The following M6PR variants were observed in gnomAD, a reference collection of about 807,000 sequenced individuals.
M6PR encodes the protein mannose-6-phosphate receptor, cation dependent.
M6PR carries 19 observed loss-of-function variants against 33.1 expected under a neutral mutation model. The observed-to-expected ratio is 0.57, with a 90% CI of 0.40 to 0.84. M6PR has a LOEUF of 0.84. Ranked by LOEUF, M6PR falls within the 40% of genes least tolerant of loss-of-function variation. The pLI is 0.00. For missense variants in M6PR, 295 were observed against 336.0 expected, an observed-to-expected ratio of 0.88 and a Z score of 0.95; for synonymous variants, 111 against 123.4, an observed-to-expected ratio of 0.90 and a Z score of 0.67.
intron 4 of M6PR, 120 bp downstream of exon 4, chr12:8,943,681 T>C: frequency 7.5e-7 from 1 of 1,329,596 alleles, no homozygotes; most frequent in Non-Finnish European, 1.1e-6. Context: ...AGAGAGAAAC[T>C]GAGCTCCTAG....
At chr12:8,947,584 AGAC>A in intron 1 of M6PR, among the ~76,000 whole-genome samples, 1 of 152,240 alleles carries the variant, frequency 6.6e-6, no homozygotes. Flanking sequence ...AGGAAACAAC[AGAC>A]TACTGCCTTG....
At chr12:8,946,512 AAAG>A in intron 1 of M6PR, 107 bp from the exon 2 acceptor site, 1 of 845,046 alleles carries the variant, frequency 1.2e-6, no homozygotes, top group East Asian at 2.5e-5. Context: ...AATTATCCAG[AAAG>A]TACAAGATTC....
rs1473104370 is a variant in M6PR at position 8,943,444 on chromosome 12, T to C, written c.545A>G (p.Glu182Gly). Reference protein sequence around the residue: ...EMDSSLACSPEISHLSVGSIL... With the variant: ...EMDSSLACSPGISHLSVGSIL... ...GGAACCCACACTGAGGTGGGAGATCTCTGGTGAACAGGCCAGGCTGCTATC... is the reference window on the plus strand; with the variant it reads ...GGAACCCACACTGAGGTGGGAGATCCCTGGTGAACAGGCCAGGCTGCTATC... Residue 182 changes from glutamate (E) to glycine (G), a missense_variant, in exon 5 of 7, where the codon GAG becomes GGG. Glu to Gly is a moderately conservative substitution (Grantham distance 98, BLOSUM62 -2). Transcript: ENST00000000412. The C allele has an allele frequency of 3.1e-6, 5 of 1,614,158 alleles. No individual in the cohort carries two copies. The South Asian group carries it at 4.4e-5, about 14-fold the overall frequency.
intron 6 of M6PR, 27 bp downstream of exon 6, chr12:8,942,389 A>C: frequency 6.2e-7 from 1 of 1,614,114 alleles, no homozygotes; most frequent in Non-Finnish European, 8.5e-7. Context: ...GCAGGCTACA[A>C]ATTCAACCAG....
rs752465402 is a variant in M6PR, at chr12:8,942,482, C to T, written c.645G>A (p.Val215=). The T allele has an allele frequency of 6.2e-7, 1 of 1,614,192 alleles. No individual in the cohort carries two copies. Among genetic ancestry groups the T allele is most frequent in the Admixed American group, 1.7e-5 (1 of 60,026 alleles). ...GAAACTGCTCCATTCCTTTGGCTCC[C>T]ACTACCAGTCGCTGGTATAGGAACC... The part of the protein sequence containing the change: ...VGGFLYQRLV[V]GAKGMEQFPH... Residue 215 remains valine (V), a synonymous_variant, in exon 6 of 7, where the codon GTG becomes GTA. Transcript: ENST00000000412.
At chr12:8,943,660 G>A (rs1037428913) in intron 4 of M6PR, 125 bp from the exon 5 acceptor site, 50 of 1,376,186 alleles carry the variant, frequency 3.6e-5, no homozygotes, top group African/African-American at 1.9e-4. Flanking sequence ...TGGAAGATGC[G>A]TGTCTGACAC....
rs1946052466 is a variant in M6PR, at chr12:8,943,379, G to T, written c.584+26C>A. ...TTAAAAACAAAAGGAAGGAAGGTCT[G>T]TTCTGATAAAGGAAGGCATACTCAC... is the stretch of plus-strand genomic sequence containing the variant. On this transcript the variant is annotated intron_variant, in intron 5 of 6. Coordinates refer to ENST00000000412, the MANE Select transcript of M6PR (RefSeq NM_002355.4). The T allele has an allele frequency of 2.5e-6, 4 of 1,613,826 alleles. No individual in the cohort carries two copies. In the East Asian group the frequency reaches 8.9e-5, roughly 36 times the overall value.
chr12:8,944,252 T>C (rs773789381), intron 3 of M6PR, among the ~76,000 whole-genome samples: 1 of 152,228 alleles, frequency 6.6e-6, no homozygotes, highest in Non-Finnish European at 1.5e-5. Flanking sequence ...TCCATACAAT[T>C]GCTGAGCAGC....
In M6PR at chr12:8,943,604, A is replaced by G. The variant is rs914124688; in HGVS notation, c.454-69T>C. 28 of 1,586,430 alleles carry G rather than the reference A, an allele frequency of 1.8e-5. No individual in the cohort carries two copies. The African/African-American group carries it at 3.2e-4, about 18-fold the overall frequency. ...TGACTCCTGTCCAACAAAATAAAAA[A>G]CCCAAAAAACATCTGCTCCTTCCTG... is the stretch of plus-strand genomic sequence containing the variant. On this transcript the variant is annotated intron_variant, in intron 4 of 6. Transcript: ENST00000000412.
In M6PR at chr12:8,946,217, CT is replaced by C. The variant is rs1189441448; in HGVS notation, c.176+11del. The C allele has an allele frequency of 6.2e-7, 1 of 1,608,294 alleles. No homozygotes were observed. Among genetic ancestry groups the C allele is most frequent in the African/African-American group, 1.3e-5 (1 of 74,710 alleles). ...ATATTTTCTCAAGCTCTTTAAGGTT[CT>C]TCTCATTTACCTTTTATTAAACAGT... On this transcript the variant is annotated intron_variant, in intron 2 of 6. Coordinates refer to ENST00000000412, the MANE Select transcript of M6PR (RefSeq NM_002355.4).
At position 8,943,801 on chromosome 12, in the gene M6PR, C is replaced by A. The variant is rs1348618980; in HGVS notation, c.453G>T (p.Ala151=). The change falls in exon 4 of 7, where the codon GCG becomes GCT. Residue 151 remains alanine, a splice_region_variant and synonymous_variant. Transcript: ENST00000000412. ...VMISCNRHTL[A]DNFNPVSEER... is the part of the protein sequence containing the mutation. ...GCTTATACAACACAGGGTGCCTCAC[C>A]GCTAGGGTGTGTCGATTGCAGGAGA... The A allele has an allele frequency of 2.5e-6, 4 of 1,612,188 alleles. No homozygotes were observed. Among genetic ancestry groups the A allele is most frequent in the African/African-American group, 1.3e-5 (1 of 74,988 alleles).
rs1177367797 is a variant in M6PR at position 8,943,670 on chromosome 12, CAG to C, written c.453+129_453+130del. The C allele has an allele frequency of 1.3e-5, 18 of 1,348,404 alleles. No homozygotes were observed. In the East Asian group the frequency reaches 1.8e-4, roughly 14 times the overall value. The allele number at this position is 1,348,404 out of a possible 1,614,324, so 83.5% of individuals were successfully genotyped here. On this transcript the variant is annotated intron_variant, in intron 4 of 6. Transcript: ENST00000000412. The stretch of plus-strand genomic sequence containing the variant: ...TTCCATGGAAGATGCGTGTCTGACA[CAG>C]AGAGAAACTGAGCTCCTAGTTTTCT...
chr12:8,941,670 G>T lies in M6PR; in HGVS notation c.*148C>A. The T allele has an allele frequency of 1.1e-6, 1 of 923,132 alleles. No homozygotes were observed. Among genetic ancestry groups the T allele is most frequent in the Non-Finnish European group, 1.7e-6 (1 of 595,352 alleles). The allele number at this position is 923,132 out of a possible 1,614,324, so 57.2% of individuals were successfully genotyped here. ...GAACAAAGGGAAGGCAGTTTTACTA[G>T]TGAGAAGATGCAAATCAAAAGCAAA... On this transcript the variant is annotated 3_prime_UTR_variant, in exon 7 of 7. Transcript: ENST00000000412.
At chr12:8,942,024 G>A in intron 6 of M6PR, 84 bp from the exon 7 acceptor site, 1 of 1,478,440 alleles carries the variant, frequency 6.8e-7, no homozygotes, top group South Asian at 1.2e-5. Flanking sequence ...CTAGGAATGT[G>A]GCAAGAATTG....
At chr12:8,943,994 T>C in intron 3 of M6PR, 84 bp from the exon 4 acceptor site, 7 of 863,164 alleles carry the variant, frequency 8.1e-6, no homozygotes, top group East Asian at 2.4e-5. Context: ...TGGAATTGCG[T>C]AATTCATTGC....
intron 1 of M6PR, 117 bp from the exon 2 acceptor site, chr12:8,946,522 A>T: frequency 1.3e-6 from 1 of 750,098 alleles, no homozygotes; most frequent in East Asian, 2.6e-5. Flanking sequence ...AAAGTACAAG[A>T]TTCTCTGGCA....
Position 8,945,357 on chromosome 12 carries a change from G to C in M6PR, c.343+61C>G, listed in dbSNP as rs1256528265. 5.1e-6 allele frequency: 8 copies of C among 1,572,032 alleles called. No homozygotes were observed. In the African/African-American group the frequency reaches 1.1e-4, roughly 21 times the overall value. ...AGAAACGGCCAAGACATACAGGATTGTCAGAGGGATTGACTTGGGATCAGT... is the reference window on the plus strand; with the variant it reads ...AGAAACGGCCAAGACATACAGGATTCTCAGAGGGATTGACTTGGGATCAGT... On this transcript the variant is annotated intron_variant, in intron 3 of 6. Transcript: ENST00000000412.
chr12:8,948,628 G>T (rs1946141555), intron 1 of M6PR, among the ~76,000 whole-genome samples: 1 of 152,196 alleles, frequency 6.6e-6, no homozygotes, highest in Non-Finnish European at 1.5e-5. Context: ...AGGATTTTAT[G>T]ATCTTGAAAA....
chr12:8,942,037 T>C (rs1234855259), intron 6 of M6PR, 97 bp from the exon 7 acceptor site: 4 of 1,359,150 alleles, frequency 2.9e-6, no homozygotes, highest in Non-Finnish European at 3.1e-6. Context: ...AAGAATTGGT[T>C]TTCTATAGGG....
Sources: allele counts gnomAD v4.1 joint callset (sites outside exome capture counted in the v4.1 genomes callset), GRCh38; gene constraint gnomAD v4.1.1; transcripts MANE v1.5; gene names NCBI Gene and HGNC (gene_info 2026-07-23, HGNC 2026-07-21).